The following ST6GALNAC3 variants were observed in gnomAD, a reference collection of about 807,000 sequenced individuals.
The protein encoded by ST6GALNAC3 is alpha-N-acetylgalactosaminide alpha-2,6-sialyltransferase 3.
ST6GALNAC3 carries 25 observed loss-of-function variants against 32.7 expected under a neutral mutation model. The ratio of observed to expected loss-of-function variants is 0.76; its 90% confidence interval spans 0.56 to 1.07. The LOEUF (loss-of-function observed/expected upper bound fraction) is 1.07, where lower values mean the gene tolerates loss of function less well. Ranked by LOEUF, ST6GALNAC3 falls within the 50% of genes least tolerant of loss-of-function variation. The pLI, the probability that ST6GALNAC3 is intolerant of heterozygous loss-of-function variation, is 0.00. For missense variants in ST6GALNAC3, 355 were observed against 382.4 expected (o/e 0.93, Z 0.60); for synonymous variants, 129 against 133.1 (o/e 0.97, Z 0.21).
intron 3 of ST6GALNAC3, among the ~76,000 whole-genome samples, chr1:76,543,454 C>T (rs1664112785): frequency 6.6e-6 from 1 of 152,108 alleles, no homozygotes; most frequent in Non-Finnish European, 1.5e-5. Flanking sequence ...CATGCCTTCA[C>T]CTTAAATAAA....
At chr1:76,395,158 G>A (rs552131822) in intron 2 of ST6GALNAC3, among the ~76,000 whole-genome samples, 5 of 151,906 alleles carry the variant, frequency 3.3e-5, no homozygotes, top group Non-Finnish European at 7.4e-5. Context: ...ATGTAAAGGA[G>A]GTCATCCTTT....
chr1:76,202,688 A>T (rs1459935663), intron 1 of ST6GALNAC3, among the ~76,000 whole-genome samples: 1 of 152,154 alleles, frequency 6.6e-6, no homozygotes, highest in Admixed American at 6.5e-5. Context: ...AAAACCATTC[A>T]ATCTTGGATG....
chr1:76,234,453 A>G (rs964887095), intron 1 of ST6GALNAC3, among the ~76,000 whole-genome samples: 7 of 152,194 alleles, frequency 4.6e-5, no homozygotes, highest in South Asian at 4.1e-4. Flanking sequence ...GATCTCTCAC[A>G]TGCCAGTGGG....
chr1:76,230,851 G>A (rs564553773), intron 1 of ST6GALNAC3, among the ~76,000 whole-genome samples: 1 of 152,308 alleles, frequency 6.6e-6, no homozygotes, highest in East Asian at 1.9e-4. Flanking sequence ...CTTACTATGT[G>A]CACTGTCCTT....
intron 3 of ST6GALNAC3, among the ~76,000 whole-genome samples, chr1:76,462,635 A>G (rs1443086523): frequency 1.3e-5 from 2 of 152,172 alleles, no homozygotes; most frequent in Admixed American, 1.3e-4. Context: ...GAGGACATAT[A>G]TGTATCACTA....
At chr1:76,510,446 G>A (rs1396668861) in intron 3 of ST6GALNAC3, among the ~76,000 whole-genome samples, 2 of 151,998 alleles carry the variant, frequency 1.3e-5, no homozygotes, top group Non-Finnish European at 2.9e-5. Context: ...TAAAACACAA[G>A]AACATATTAT....
At chr1:76,621,613 G>C (rs537475725) in intron 3 of ST6GALNAC3, among the ~76,000 whole-genome samples, 5 of 152,028 alleles carry the variant, frequency 3.3e-5, no homozygotes, top group African/African-American at 1.2e-4. Context: ...AGCTGAAATT[G>C]TTTCCACACT....
chr1:76,156,768 C>T (rs370108249), intron 1 of ST6GALNAC3, among the ~76,000 whole-genome samples: 33 of 152,148 alleles, frequency 2.2e-4, no homozygotes, highest in Non-Finnish European at 1.2e-4. Context: ...GTCTCGCTCT[C>T]TCGCCCAGGC....
At chr1:76,554,944 T>A (rs986728801) in intron 3 of ST6GALNAC3, among the ~76,000 whole-genome samples, 51 of 152,198 alleles carry the variant, frequency 3.4e-4, no homozygotes, top group African/African-American at 1.2e-3. Context: ...TCATTAATAG[T>A]TAGAAACTGA....
intron 1 of ST6GALNAC3, among the ~76,000 whole-genome samples, chr1:76,211,201 G>A (rs1008167851): frequency 6.6e-6 from 1 of 152,164 alleles, no homozygotes; most frequent in African/African-American, 2.4e-5. Context: ...ATCATCACTG[G>A]CCATCAGAGA....
chr1:76,281,521 C>T (rs1457541686), intron 1 of ST6GALNAC3, among the ~76,000 whole-genome samples: 2 of 152,168 alleles, frequency 1.3e-5, no homozygotes, highest in African/African-American at 4.8e-5. Flanking sequence ...AGAGCATGCA[C>T]AGTGTTCAAA....
chr1:76,521,240 T>C (rs1040982135), intron 3 of ST6GALNAC3, among the ~76,000 whole-genome samples: 10 of 151,782 alleles, frequency 6.6e-5, no homozygotes, highest in Admixed American at 2.6e-4. Flanking sequence ...TATTTTAAAT[T>C]CCCCAAACAT....
chr1:76,103,143 A>G (rs889815905), intron 1 of ST6GALNAC3, among the ~76,000 whole-genome samples: 2 of 100,532 alleles, frequency 2.0e-5, no homozygotes, highest in Non-Finnish European at 4.3e-5. Context: ...TAGCAGTTTT[A>G]TTGTAATTGG....
At position 76,435,801 on chromosome 1, in the gene ST6GALNAC3, T is replaced by C. The variant is rs1571221029; in HGVS notation, c.623+23384T>C. Reference sequence around the variant, plus strand: ...TCAGCTGATAAATATCTGTGGCTCATAGAGAATAGCAACCAACAACAGACC... The same window carrying C: ...TCAGCTGATAAATATCTGTGGCTCACAGAGAATAGCAACCAACAACAGACC... On this transcript the variant is annotated intron_variant, in intron 3 of 4. Transcript: ENST00000328299. Among the ~76,000 whole-genome samples, 9 of 152,278 alleles carry C rather than the reference T, an allele frequency of 5.9e-5. No individual in the cohort carries two copies. The Middle Eastern group carries it at 0.014, about 230-fold the overall frequency.
intron 1 of ST6GALNAC3, among the ~76,000 whole-genome samples, chr1:76,156,191 G>A (rs1651406675): frequency 6.6e-6 from 1 of 152,172 alleles, no homozygotes; most frequent in Non-Finnish European, 1.5e-5. Flanking sequence ...ATCATATTCA[G>A]GGTACATATT....
chr1:76,396,326 A>C (rs1318180802), intron 2 of ST6GALNAC3, among the ~76,000 whole-genome samples: 1 of 152,134 alleles, frequency 6.6e-6, no homozygotes, highest in Non-Finnish European at 1.5e-5. Context: ...TTATCCAGGC[A>C]TGGTGGCATG....
chr1:76,582,544 A>G (rs1332661025), intron 3 of ST6GALNAC3, among the ~76,000 whole-genome samples: 1 of 152,176 alleles, frequency 6.6e-6, no homozygotes, highest in Non-Finnish European at 1.5e-5. Flanking sequence ...GTTTGTGGCC[A>G]CTGTTTATAA....
chr1:76,115,554 G>A (rs1036178684), intron 1 of ST6GALNAC3, among the ~76,000 whole-genome samples: 1 of 152,158 alleles, frequency 6.6e-6, no homozygotes, highest in African/African-American at 2.4e-5. Context: ...GATATTGTGG[G>A]ATTTCTGGTT....
intron 3 of ST6GALNAC3, among the ~76,000 whole-genome samples, chr1:76,541,424 TAA>T (rs1211621825): frequency 6.6e-6 from 1 of 152,190 alleles, no homozygotes. Context: ...CATCTATGCA[TAA>T]GTTTTCTCAA....
Sources: allele counts gnomAD v4.1 joint callset (sites outside exome capture counted in the v4.1 genomes callset), GRCh38; gene constraint gnomAD v4.1.1; transcripts MANE v1.5; gene names NCBI Gene and HGNC (gene_info 2026-07-23, HGNC 2026-07-21).